SLC5A4: variants seen among roughly 807,000 people sequenced by gnomAD.
SLC5A4 encodes probable glucose sensor protein SLC5A4.
SLC5A4 carries 55 observed loss-of-function variants against 70.3 expected under a neutral mutation model. The observed-to-expected ratio is 0.78, with a 90% CI of 0.63 to 0.98. The LOEUF is 0.98. Among genes scored for constraint, SLC5A4 ranks in the 50% least tolerant of loss-of-function variants. SLC5A4 has a pLI of 0.00. For synonymous variants in SLC5A4, 268 were observed against 305.7 expected (o/e 0.88, Z 1.29); for missense variants, 735 against 839.2 (o/e 0.88, Z 1.53).
intron 11 of SLC5A4, 152 bp downstream of exon 11, chr22:32,229,042 G>T: frequency 3.1e-6 from 2 of 639,416 alleles, no homozygotes; most frequent in Non-Finnish European, 5.2e-6. Context: ...TATCTGGAAA[G>T]TGATCACTTG....
At position 32,247,127 on chromosome 22, in the gene SLC5A4, G is replaced by C. The variant is rs1474297238; in HGVS notation, c.477+284C>G. Among the ~76,000 whole-genome samples, 3 of 152,144 alleles carry C rather than the reference G, an allele frequency of 2.0e-5. No homozygotes were observed. The East Asian group carries it at 5.8e-4, about 29-fold the overall frequency. ...CTGTGTTACTTGAATGAGACGTTTT[G>C]TTCTTTCTTTACATCCATTTTTTCA... is the stretch of plus-strand genomic sequence containing the variant. On this transcript the variant is annotated intron_variant, in intron 5 of 14. Transcript: ENST00000266086.
chr22:32,302,290 T>C, the SLC5A4 span, among the ~76,000 whole-genome samples: 3 of 124,154 alleles, frequency 2.4e-5, no homozygotes, highest in Admixed American at 8.6e-5. Flanking sequence ...CTTTGCTGGG[T>C]ATGTGGTTTG....
At chr22:32,339,898 G>C in the SLC5A4 span, among the ~76,000 whole-genome samples, 3 of 152,172 alleles carry the variant, frequency 2.0e-5, no homozygotes, top group Non-Finnish European at 4.4e-5. Flanking sequence ...AGGTGCTTTC[G>C]GGGACCCCCG....
At chr22:32,232,638 A>T (rs1362507849) in intron 9 of SLC5A4, among the ~76,000 whole-genome samples, 1 of 151,902 alleles carries the variant, frequency 6.6e-6, no homozygotes, top group Non-Finnish European at 1.5e-5. Context: ...GACTTCCTTA[A>T]ATCTAAGCAA....
At chr22:32,274,899 C>T in the SLC5A4 span, among the ~76,000 whole-genome samples, 1 of 150,052 alleles carries the variant, frequency 6.7e-6, no homozygotes, top group African/African-American at 2.5e-5. Flanking sequence ...TGCTTGTATC[C>T]TGGCCTTTCT....
chr22:32,324,992 T>C, the SLC5A4 span, among the ~76,000 whole-genome samples: 1 of 152,244 alleles, frequency 6.6e-6, no homozygotes, highest in Non-Finnish European at 1.5e-5. Context: ...GCTGTTCCTG[T>C]GTGGCCATCG....
In SLC5A4 at chr22:32,232,886, A is replaced by AT; in HGVS notation, c.1021+12dup. Reference sequence around the variant, plus strand: ...GCATAAAAAAAGAGAGAACATACGGATTCAGGGCTTACCTGTGTACAGGAT... The same window carrying AT: ...GCATAAAAAAAGAGAGAACATACGGATTTCAGGGCTTACCTGTGTACAGGAT... On this transcript the variant is annotated intron_variant, in intron 9 of 14. Coordinates refer to ENST00000266086, the MANE Select transcript of SLC5A4 (RefSeq NM_014227.3). The AT allele has an allele frequency of 6.2e-7, 1 of 1,607,946 alleles. No individual in the cohort carries two copies. The highest frequency in any genetic ancestry group is 8.5e-7 in the Non-Finnish European group (1 of 1,177,408).
the SLC5A4 span, among the ~76,000 whole-genome samples, chr22:32,307,965 CA>C: frequency 0.056 from 8,517 of 152,228 alleles, 321 homozygotes; most frequent in South Asian, 0.086. Context: ...TCACGGCAGA[CA>C]AAATCAACCC....
the SLC5A4 span, among the ~76,000 whole-genome samples, chr22:32,354,436 C>T: frequency 6.6e-6 from 1 of 151,458 alleles, no homozygotes; most frequent in Non-Finnish European, 1.5e-5. Flanking sequence ...AGCTTCTAGA[C>T]GCAGGCAATG....
the SLC5A4 span, among the ~76,000 whole-genome samples, chr22:32,312,525 T>C: frequency 2.6e-5 from 4 of 152,086 alleles, no homozygotes; most frequent in Non-Finnish European, 4.4e-5. Context: ...AGAGTTGCTT[T>C]GTCTTGGTCA....
At chr22:32,223,056 T>G (rs9621411) in intron 13 of SLC5A4, among the ~76,000 whole-genome samples, 38,837 of 151,974 alleles carry the variant, frequency 0.26, 6,163 homozygotes, top group African/African-American at 0.45. Context: ...TTATACATTA[T>G]TATATTATTC....
chr22:32,304,299 T>TG, the SLC5A4 span, among the ~76,000 whole-genome samples: 1 of 151,742 alleles, frequency 6.6e-6, no homozygotes, highest in East Asian at 1.9e-4. Context: ...GCTATTTTTG[T>TG]GGGGTTTTTT....
chr22:32,243,433 A>T (rs546993850), intron 5 of SLC5A4, among the ~76,000 whole-genome samples: 1 of 152,232 alleles, frequency 6.6e-6, no homozygotes, highest in Non-Finnish European at 1.5e-5. Flanking sequence ...TACTGGGTCA[A>T]TTTACAAAGT....
chr22:32,291,874 CTATCTT>C, the SLC5A4 span, among the ~76,000 whole-genome samples: 1 of 64,926 alleles, frequency 1.5e-5, no homozygotes, highest in African/African-American at 5.7e-5. Flanking sequence ...TTTTTCTTTT[CTATCTT>C]TTTTTTTTTG....
chr22:32,306,671 A>C, the SLC5A4 span, among the ~76,000 whole-genome samples: 4 of 152,142 alleles, frequency 2.6e-5, no homozygotes, highest in African/African-American at 9.7e-5. Flanking sequence ...CTGCCGCTGT[A>C]TGCCCTTGTC....
chr22:32,234,724 A>T, intron 8 of SLC5A4, 149 bp downstream of exon 8: 1 of 688,636 alleles, frequency 1.5e-6, no homozygotes, highest in Non-Finnish European at 2.5e-6. Flanking sequence ...AAAAACAAAA[A>T]CAGAGAAGGG....
At chr22:32,240,764 A>C (rs1488610797) in intron 5 of SLC5A4, among the ~76,000 whole-genome samples, 1 of 152,176 alleles carries the variant, frequency 6.6e-6, no homozygotes, top group East Asian at 1.9e-4. Context: ...ACTGAGGCTT[A>C]GGGAATTTGT....
At chr22:32,261,187 G>A in the SLC5A4 span, among the ~76,000 whole-genome samples, 8 of 152,160 alleles carry the variant, frequency 5.3e-5, no homozygotes, top group South Asian at 4.1e-4. Flanking sequence ...CTCCTCTCCC[G>A]TTTGGTCAGT....
At chr22:32,336,741 T>C in the SLC5A4 span, among the ~76,000 whole-genome samples, 4 of 152,234 alleles carry the variant, frequency 2.6e-5, no homozygotes, top group African/African-American at 7.2e-5. Flanking sequence ...CTAAGGAATA[T>C]TCACCCTTTG....
Sources: gnomAD v4.1 joint callset for allele counts (sites outside exome capture counted in the v4.1 genomes callset) on GRCh38, gnomAD v4.1.1 for gene constraint, MANE v1.5 for transcripts, NCBI Gene and HGNC (gene_info 2026-07-23, HGNC 2026-07-21) for gene names.